VPS37A: variants seen among roughly 807,000 people sequenced by gnomAD.
VPS37A encodes VPS37A subunit of ESCRT-I.
Under a neutral mutation model 49.8 loss-of-function variants are expected in VPS37A, and 30 were observed. The ratio of observed to expected loss-of-function variants is 0.60; its 90% confidence interval spans 0.45 to 0.82. The LOEUF (loss-of-function observed/expected upper bound fraction) is 0.82. Ranked by LOEUF, VPS37A falls within the 40% of genes least tolerant of loss-of-function variation. The pLI is 0.00. For missense variants in VPS37A, 593 were observed against 464.4 expected (o/e 1.28, Z -2.55); for synonymous variants, 195 against 160.6 (o/e 1.21, Z -1.62).
chr8:17,264,582 A>G (rs567657838), intron 1 of VPS37A, among the ~76,000 whole-genome samples: 1 of 152,314 alleles, frequency 6.6e-6, no homozygotes, highest in South Asian at 2.1e-4. Flanking sequence ...ACACTTTTGA[A>G]TCTTTTAAGC....
chr8:17,261,486 C>CGA (rs1812957469), intron 1 of VPS37A, among the ~76,000 whole-genome samples: 2 of 152,204 alleles, frequency 1.3e-5, no homozygotes, highest in African/African-American at 4.8e-5. Flanking sequence ...TTTGTTTCAT[C>CGA]CGCTTAGGGA....
chr8:17,279,749 C>T, intron 6 of VPS37A: 1 of 490,648 alleles, frequency 2.0e-6, no homozygotes, highest in Non-Finnish European at 4.0e-6. Context: ...AACACTTCCC[C>T]ACGGTTGTGA....
At chr8:17,325,750 A>G in the VPS37A span, among the ~76,000 whole-genome samples, 1 of 148,542 alleles carries the variant, frequency 6.7e-6, no homozygotes. Flanking sequence ...CACAGACCCT[A>G]TCACGAGACA....
At chr8:17,312,738 CAG>C in the VPS37A span, among the ~76,000 whole-genome samples, 46 of 152,146 alleles carry the variant, frequency 3.0e-4, no homozygotes, top group Admixed American at 1.8e-3. Flanking sequence ...TACCTCAAAA[CAG>C]GGAACATACC....
chr8:17,291,070 T>C (rs1469535966), intron 11 of VPS37A, among the ~76,000 whole-genome samples: 3 of 152,062 alleles, frequency 2.0e-5, no homozygotes, highest in Non-Finnish European at 2.9e-5. Flanking sequence ...CTGGAGTGCA[T>C]TGGTATGATC....
intron 2 of VPS37A, 146 bp from the exon 3 acceptor site, chr8:17,268,111 AC>A (rs1813637780): frequency 1.9e-6 from 1 of 540,066 alleles, no homozygotes; most frequent in East Asian, 2.9e-5. Flanking sequence ...TTCAGACAAC[AC>A]CATAATAGAG....
downstream of VPS37A, among the ~76,000 whole-genome samples, chr8:17,304,891 CTCTG>C (rs948283822): frequency 1.3e-5 from 2 of 152,036 alleles, no homozygotes; most frequent in Non-Finnish European, 2.9e-5. Context: ...TTGCTGTGAG[CTCTG>C]TCTAATTTAC....
intron 6 of VPS37A, among the ~76,000 whole-genome samples, 186 bp downstream of exon 6, chr8:17,276,653 G>T (rs1406950167): frequency 1.3e-5 from 2 of 152,066 alleles, no homozygotes; most frequent in Admixed American, 1.3e-4. Flanking sequence ...TGAGTGACTG[G>T]TACATACTCA....
At chr8:17,247,995 A>G (rs1268228440) in intron 1 of VPS37A, 10 of 544,922 alleles carry the variant, frequency 1.8e-5, no homozygotes, top group Non-Finnish European at 3.3e-5. Flanking sequence ...GAATTACTTT[A>G]TGTTCATCTT....
chr8:17,249,065 C>T (rs76828863), intron 1 of VPS37A, among the ~76,000 whole-genome samples: 19 of 152,140 alleles, frequency 1.2e-4, no homozygotes, highest in Non-Finnish European at 2.8e-4. Context: ...TTTTTTAGAA[C>T]CACACTTTTG....
At chr8:17,321,425 G>A in the VPS37A span, among the ~76,000 whole-genome samples, 7 of 152,206 alleles carry the variant, frequency 4.6e-5, no homozygotes, top group East Asian at 5.8e-4. Context: ...TTAACATTGC[G>A]TGTGCTAAGT....
At chr8:17,322,653 C>T in the VPS37A span, among the ~76,000 whole-genome samples, 2 of 151,896 alleles carry the variant, frequency 1.3e-5, no homozygotes, top group African/African-American at 4.8e-5. Context: ...GACCCCATCT[C>T]TACAAAAAAT....
chr8:17,320,715 G>A, the VPS37A span, among the ~76,000 whole-genome samples: 4 of 152,178 alleles, frequency 2.6e-5, no homozygotes, highest in African/African-American at 7.2e-5. Context: ...CTGATGCCTT[G>A]TGACAGTGCC....
chr8:17,289,265 A>G (rs1283744963), intron 11 of VPS37A, among the ~76,000 whole-genome samples: 1 of 152,192 alleles, frequency 6.6e-6, no homozygotes, highest in African/African-American at 2.4e-5. Flanking sequence ...TGTTTTAGAC[A>G]TGAAGTCTTT....
chr8:17,276,352 A>G, intron 5 of VPS37A, 45 bp from the exon 6 acceptor site: 2 of 1,543,930 alleles, frequency 1.3e-6, no homozygotes, highest in Non-Finnish European at 1.8e-6. Flanking sequence ...GAGAGCAGTC[A>G]AAAATAATGG....
At chr8:17,248,252 C>T (rs1239441213) in intron 1 of VPS37A, 2 of 442,932 alleles carry the variant, frequency 4.5e-6, no homozygotes, top group Non-Finnish European at 8.9e-6. Flanking sequence ...ATTGTTAAGT[C>T]CCTAACCCCT....
intron 3 of VPS37A, 27 bp downstream of exon 3, chr8:17,268,399 G>C (rs573751496): frequency 6.7e-7 from 1 of 1,485,892 alleles, no homozygotes; most frequent in Non-Finnish European, 9.3e-7. Flanking sequence ...ATTTATTTCA[G>C]GGTAATATAA....
chr8:17,294,857 C>A (rs1816501262), intron 11 of VPS37A, 130 bp from the exon 12 acceptor site: 1 of 152,190 alleles, frequency 6.6e-6, no homozygotes, highest in Non-Finnish European at 1.5e-5. Flanking sequence ...GAGCTGCAGA[C>A]TGGAGCTGTT....
At chr8:17,310,397 T>C in the VPS37A span, among the ~76,000 whole-genome samples, 7 of 152,320 alleles carry the variant, frequency 4.6e-5, no homozygotes, top group African/African-American at 1.7e-4. Flanking sequence ...CAAAGAAATA[T>C]GAACTAGTGG....
Sources: gnomAD v4.1 joint callset for allele counts (sites outside exome capture counted in the v4.1 genomes callset) on GRCh38, gnomAD v4.1.1 for gene constraint, MANE v1.5 for transcripts, NCBI Gene and HGNC (gene_info 2026-07-23, HGNC 2026-07-21) for gene names.